Variants in MYO18B observed in about 807,000 individuals in gnomAD.
MYO18B encodes myosin XVIIIB, also known as unconventional myosin-XVIIIb.
MYO18B carries 204 observed loss-of-function variants against 273.0 expected under a neutral mutation model. The ratio of observed to expected loss-of-function variants is 0.75; its 90% CI spans 0.67 to 0.84. MYO18B has a LOEUF of 0.84. Among genes scored for constraint, MYO18B ranks in the 40% least tolerant of loss-of-function variants. The pLI, the probability that MYO18B is intolerant of heterozygous loss-of-function variation, is 0.00. For missense variants in MYO18B, 3,212 were observed against 3,287.6 expected, an observed-to-expected ratio of 0.98 and a Z score of 0.56; for synonymous variants, 1,330 against 1,305.7, an observed-to-expected ratio of 1.02 and a Z score of -0.40.
chr22:25,742,706 G>C (rs751675229), intron 1 of MYO18B, among the ~76,000 whole-genome samples: 2 of 152,230 alleles, frequency 1.3e-5, no homozygotes, highest in Admixed American at 6.5e-5. Context: ...TATGGTCGGG[G>C]AAGAGCCAGG....
intron 22 of MYO18B, among the ~76,000 whole-genome samples, chr22:25,873,958 C>T (rs1165210572): frequency 4.6e-5 from 7 of 152,158 alleles, no homozygotes; most frequent in South Asian, 2.1e-4. Context: ...CAGGAATCCC[C>T]GGGGGATTGT....
chr22:25,947,510 A>G (rs1287583680), intron 35 of MYO18B, among the ~76,000 whole-genome samples: 1 of 144,204 alleles, frequency 6.9e-6, no homozygotes, highest in Non-Finnish European at 1.5e-5. Context: ...ACACACACAC[A>G]CACACACACA....
intron 12 of MYO18B, among the ~76,000 whole-genome samples, chr22:25,810,333 C>T (rs1003596780): frequency 3.3e-5 from 5 of 150,088 alleles, no homozygotes; most frequent in African/African-American, 7.4e-5. Context: ...CTCCTGACCT[C>T]GTGATCCGCC....
chr22:25,842,119 C>G (rs2090100554), intron 17 of MYO18B, among the ~76,000 whole-genome samples: 1 of 152,224 alleles, frequency 6.6e-6, no homozygotes, highest in African/African-American at 2.4e-5. Flanking sequence ...ACACAGGTGG[C>G]AGATGCCACG....
rs555586852 is a variant in MYO18B, at chr22:26,005,249, T to C, written c.6470+394T>C. Among the ~76,000 whole-genome samples, 5 of 152,344 alleles carry C rather than the reference T, an allele frequency of 3.3e-5. No homozygotes were observed. In the South Asian group the frequency reaches 1.0e-3, roughly 32 times the overall value. ...TCATACTCTTTTTTCCATTTATGGG[T>C]AATTACAGGTTCAAAAAATTTTTAA... On this transcript the variant is annotated intron_variant, in intron 42 of 43. Transcript: ENST00000335473.
Position 26,027,866 on chromosome 22 carries a change from T to C in MYO18B, c.*12+176T>C. ...TGGATGCAAAGCTTTTCAGAACCCC[T>C]CTGCTGGGTACCTCTACTTCCTTGT... On this transcript the variant is annotated intron_variant, in intron 43 of 43. Coordinates refer to ENST00000335473, the MANE Select transcript of MYO18B (RefSeq NM_032608.7). The surrounding 1 kb of genome is among the most constrained non-coding windows in gnomAD (Gnocchi z 4.1). 1.6e-6 allele frequency: 1 copy of C among 635,256 alleles called. No homozygotes were observed. The highest frequency in any genetic ancestry group is 2.1e-5 in the South Asian group (1 of 47,520). 39.4% of individuals were successfully genotyped at this position (635,256 alleles called of 1,614,324 possible). A position where few individuals can be genotyped will look rare whatever the true frequency, so the allele number is the denominator to read the frequency against.
intron 34 of MYO18B, among the ~76,000 whole-genome samples, chr22:25,935,360 G>T (rs932113311): frequency 3.3e-5 from 5 of 152,196 alleles, no homozygotes; most frequent in Admixed American, 3.3e-4. Flanking sequence ...AAAAGTGGCC[G>T]AGTGGTCATG....
chr22:25,786,499 A>AG (rs2145692024), intron 11 of MYO18B, among the ~76,000 whole-genome samples: 1 of 152,082 alleles, frequency 6.6e-6, no homozygotes, highest in East Asian at 1.9e-4. Context: ...GTGCAAAAAA[A>AG]AAAAAAATCC....
At chr22:25,877,042 C>A (rs1407151926) in intron 24 of MYO18B, 1 of 152,194 alleles carries the variant, frequency 6.6e-6, no homozygotes, top group African/African-American at 2.4e-5. Flanking sequence ...AGTGCTGAGC[C>A]ACTGGCAGAA....
At chr22:25,984,057 TAGAA>T (rs1479203293) in intron 39 of MYO18B, among the ~76,000 whole-genome samples, 3 of 152,360 alleles carry the variant, frequency 2.0e-5, no homozygotes, top group East Asian at 3.9e-4. Context: ...TGTCTTTACT[TAGAA>T]AGAAGGAAAT....
chr22:25,831,268 A>G (rs1056787206), intron 15 of MYO18B, among the ~76,000 whole-genome samples: 3 of 152,218 alleles, frequency 2.0e-5, no homozygotes, highest in African/African-American at 7.2e-5. Flanking sequence ...GTTAGATCTG[A>G]TTGTATTCCC....
chr22:25,757,303 C>T (rs1351936458), intron 1 of MYO18B, among the ~76,000 whole-genome samples: 2 of 151,780 alleles, frequency 1.3e-5, no homozygotes, highest in Non-Finnish European at 2.9e-5. Context: ...CTTACAAGGC[C>T]TTGAAGTCCT....
intron 12 of MYO18B, among the ~76,000 whole-genome samples, chr22:25,805,342 TC>T (rs1299664001): frequency 6.6e-6 from 1 of 152,192 alleles, no homozygotes; most frequent in Admixed American, 6.5e-5. Flanking sequence ...GCCTCTTCCT[TC>T]CACTGCAGCA....
chr22:25,990,305 GCC>G (rs1193080241), intron 39 of MYO18B, among the ~76,000 whole-genome samples: 1 of 152,156 alleles, frequency 6.6e-6, no homozygotes, highest in Non-Finnish European at 1.5e-5. Context: ...GAGCCACCAA[GCC>G]CAGGGTTCAG....
chr22:25,751,952 C>G (rs1258147774), intron 1 of MYO18B, among the ~76,000 whole-genome samples: 1 of 152,178 alleles, frequency 6.6e-6, no homozygotes, highest in East Asian at 1.9e-4. Flanking sequence ...TGGGTGTCCT[C>G]TCACTGCACG....
intron 8 of MYO18B, among the ~76,000 whole-genome samples, chr22:25,779,597 G>A (rs5752204): frequency 3.9e-5 from 6 of 152,128 alleles, no homozygotes; most frequent in Non-Finnish European, 7.3e-5. Context: ...AGGCTGTATC[G>A]AGGTGCTTAG....
Position 25,767,013 on chromosome 22 carries a change from G to A in MYO18B, c.199-1102G>A, listed in dbSNP as rs113230150. Reference sequence around the variant, plus strand: ...CCCTGGGACTGGTTTGAATGCAAGAGGAGGGGGAGAATCCCAGATTCCCAG... The same window carrying A: ...CCCTGGGACTGGTTTGAATGCAAGAAGAGGGGGAGAATCCCAGATTCCCAG... On this transcript the variant is annotated intron_variant, in intron 3 of 43. Coordinates refer to ENST00000335473, the MANE Select transcript of MYO18B (RefSeq NM_032608.7). Among the ~76,000 whole-genome samples, 295 of 152,370 alleles carry A rather than the reference G, an allele frequency of 1.9e-3. 1 individual carries two copies. Among genetic ancestry groups the A allele is most frequent in the African/African-American group, 6.6e-3 (275 of 41,584 alleles).
chr22:25,849,026 C>T (rs191515534), intron 20 of MYO18B, among the ~76,000 whole-genome samples: 6 of 152,328 alleles, frequency 3.9e-5, no homozygotes, highest in Admixed American at 1.3e-4. Context: ...CCCTCCCACC[C>T]GCACAGCCGC....
chr22:25,855,433 G>GC (rs1569114796), intron 21 of MYO18B, among the ~76,000 whole-genome samples: 1 of 151,872 alleles, frequency 6.6e-6, no homozygotes, highest in Admixed American at 6.6e-5. Flanking sequence ...TCAGGCGCCC[G>GC]CCACCACGCC....
Sources: gnomAD v4.1 joint callset for allele counts (sites outside exome capture counted in the v4.1 genomes callset) on GRCh38, gnomAD v4.1.1 for gene constraint, Gnocchi (gnomAD v3.1) non-coding constraint, MANE v1.5 for transcripts, NCBI Gene and HGNC (gene_info 2026-07-23, HGNC 2026-07-21) for gene names.